CACNA1B: variants seen among roughly 807,000 people sequenced by gnomAD.
CACNA1B encodes the protein calcium voltage-gated channel subunit alpha1 B, also known as voltage-dependent N-type calcium channel subunit alpha-1B.
Under a neutral mutation model 247.2 loss-of-function variants are expected in CACNA1B, and 70 were observed. The observed-to-expected ratio is 0.28, with a 90% CI of 0.23 to 0.35. The LOEUF is 0.35. Ranked by LOEUF, CACNA1B falls within the 10% of genes least tolerant of loss-of-function variation. The pLI is 1.00. For missense variants in CACNA1B, 2,367 were observed against 3,197.4 expected (o/e 0.74, Z 6.26); for synonymous variants, 1,231 against 1,294.4 (o/e 0.95, Z 1.05).
chr9:138,005,412 C>G (rs1958634697), intron 15 of CACNA1B, among the ~76,000 whole-genome samples: 1 of 152,098 alleles, frequency 6.6e-6, no homozygotes, highest in African/African-American at 2.4e-5. Flanking sequence ...AGCAAAAAAG[C>G]TGATCTGGAG....
In CACNA1B at chr9:138,121,881, C is replaced by T. The variant is rs765788722; in HGVS notation, c.6902C>T (p.Thr2301Ile). ...AGGACTTCCTACGTGTCCTCCCTGA[C>T]CTCCCAGTCTCACCCTCTCCGCCGC... ...SSRTSYVSSL[T>I]SQSHPLRRVP... Residue 2301 changes from threonine to isoleucine, a missense_variant, in exon 47 of 47, where the codon ACC (threonine) becomes ATC (isoleucine). Thr to Ile is a moderately conservative substitution (Grantham distance 89). Around this residue, in one of 12 missense-constraint regions of CACNA1B, gnomAD observed 773 missense variants for 779.4 expected, o/e 0.99. Coordinates refer to ENST00000371372, the MANE Select transcript of CACNA1B (RefSeq NM_000718.4). The surrounding 1 kb of genome is among the most constrained non-coding windows in gnomAD (Gnocchi z 6.8). 3.1e-6 allele frequency: 5 copies of T among 1,613,018 alleles called. No homozygotes were observed. Among genetic ancestry groups the T allele is most frequent in the Middle Eastern group, 1.6e-4 (1 of 6,084 alleles).
At chr9:138,079,402 C>T (rs1315380939) in intron 36 of CACNA1B, among the ~76,000 whole-genome samples, 1 of 152,042 alleles carries the variant, frequency 6.6e-6, no homozygotes, top group African/African-American at 2.4e-5. Flanking sequence ...AGGAAGTAAC[C>T]AGCCATGCAC....
In CACNA1B at chr9:138,057,801, T is replaced by C. The variant is rs1055383939; in HGVS notation, c.4038T>C (p.Phe1346=). Residue 1346 remains phenylalanine (F), a synonymous_variant, in exon 27 of 47, where the codon TTT becomes TTC. Transcript: ENST00000371372. The surrounding 1 kb of genome is among the most constrained non-coding windows in gnomAD (Gnocchi z 4.0). ...AQPRQWKKYD[F]HYDNVLWALL... is the part of the protein sequence containing the mutation. ...CCAGGCAGTGGAAGAAATACGACTT[T>C]CACTACGACAATGTGCTCTGGGCTC... is the stretch of plus-strand genomic sequence containing the variant. 6.2e-7 allele frequency: 1 copy of C among 1,613,070 alleles called. No individual in the cohort carries two copies. The highest frequency in any genetic ancestry group is 1.7e-5 in the Admixed American group (1 of 59,944).
chr9:138,095,359 T>C (rs2131341006), intron 36 of CACNA1B, among the ~76,000 whole-genome samples: 1 of 152,306 alleles, frequency 6.6e-6, no homozygotes, highest in East Asian at 1.9e-4. Context: ...TGAAAAGATA[T>C]TCAACATCTT....
chr9:137,880,354 C>T lies in CACNA1B; in HGVS notation c.390+1195C>T, dbSNP rs1956900369. Among the ~76,000 whole-genome samples, 1 of 152,162 alleles carries T rather than the reference C, an allele frequency of 6.6e-6. No individual in the cohort carries two copies. The highest frequency in any genetic ancestry group is 1.5e-5 in the Non-Finnish European group (1 of 68,024). The stretch of plus-strand genomic sequence containing the variant: ...CATGAGGCAGGCGTGAGTCATGGTC[C>T]CTGTGGGGGACTTGGGCAGGACCCT... On this transcript the variant is annotated intron_variant, in intron 2 of 46. Transcript: ENST00000371372. The surrounding 1 kb of genome is among the most constrained non-coding windows in gnomAD (Gnocchi z 4.8).
In CACNA1B at chr9:138,084,687, C is replaced by T. The variant is rs146174590; in HGVS notation, c.5094+6429C>T. The stretch of plus-strand genomic sequence containing the variant: ...AAGGAAATCACCAGGTGTGGTGGCT[C>T]ACGCCTGTAATCCCAGCACTTTGGG... On this transcript the variant is annotated intron_variant, in intron 36 of 46. Transcript: ENST00000371372. Among the ~76,000 whole-genome samples the T allele has an allele frequency of 3.7e-3, 567 of 151,280 alleles. 31 individuals carry two copies. Among genetic ancestry groups the T allele is most frequent in the African/African-American group, 0.013 (547 of 40,946 alleles).
intron 3 of CACNA1B, among the ~76,000 whole-genome samples, chr9:137,893,193 G>A (rs1030296499): frequency 2.6e-5 from 4 of 151,062 alleles, no homozygotes; most frequent in Non-Finnish European, 5.9e-5. Context: ...CACAGCTCCT[G>A]AGACATGAAA....
At chr9:137,964,256 G>T (rs1267922483) in intron 10 of CACNA1B, among the ~76,000 whole-genome samples, 2 of 152,194 alleles carry the variant, frequency 1.3e-5, no homozygotes, top group Non-Finnish European at 2.9e-5. Flanking sequence ...GGTTGAGGAA[G>T]TTCTCCTGGA....
chr9:138,038,939 C>G (rs531029921), intron 20 of CACNA1B, among the ~76,000 whole-genome samples: 2 of 152,198 alleles, frequency 1.3e-5, no homozygotes, highest in East Asian at 3.9e-4. Flanking sequence ...AATCCCAGCA[C>G]TTTGGGAGGC....
rs1589032017 is a variant in CACNA1B at position 137,957,088 on chromosome 9, T to C, written c.1243+261T>C. 6.6e-6 allele frequency among the ~76,000 whole-genome samples: 1 copy of C among 152,276 alleles called. No homozygotes were observed. Among genetic ancestry groups the C allele is most frequent in the East Asian group, 1.9e-4 (1 of 5,176 alleles). The stretch of plus-strand genomic sequence containing the variant: ...CTCCCAGAGACCATGGGAGGGCTCA[T>C]GGCACAACCTGGGGCCATGAGAGGG... On this transcript the variant is annotated intron_variant, in intron 9 of 46. Transcript: ENST00000371372. This position sits in a 1 kb window ranked among gnomAD's most constrained non-coding sequence, Gnocchi z 4.7.
intron 15 of CACNA1B, among the ~76,000 whole-genome samples, chr9:137,992,700 T>C (rs1046617206): frequency 6.6e-6 from 1 of 150,984 alleles, no homozygotes; most frequent in Non-Finnish European, 1.5e-5. Context: ...ACAAAACAAG[T>C]CTCGGGAAAT....
At position 137,917,650 on chromosome 9, in the gene CACNA1B, C is replaced by A. The variant is rs1325997852; in HGVS notation, c.966+219C>A. ...TCAGCTCAGACTCCTGAGGTGGGTCCTCCTGGAGTTGACTCCTTCGTGAAA... is the reference window on the plus strand; with the variant it reads ...TCAGCTCAGACTCCTGAGGTGGGTCATCCTGGAGTTGACTCCTTCGTGAAA... On this transcript the variant is annotated intron_variant, in intron 6 of 46. Transcript: ENST00000371372. The surrounding 1 kb of genome is among the most constrained non-coding windows in gnomAD (Gnocchi z 5.5). Among the ~76,000 whole-genome samples, 3 of 152,224 alleles carry A rather than the reference C, an allele frequency of 2.0e-5. No homozygotes were observed. Among genetic ancestry groups the A allele is most frequent in the Admixed American group, 6.5e-5 (1 of 15,284 alleles).
At chr9:138,027,551 T>C (rs1455594110) in intron 20 of CACNA1B, among the ~76,000 whole-genome samples, 1 of 152,146 alleles carries the variant, frequency 6.6e-6, no homozygotes, top group Non-Finnish European at 1.5e-5. Flanking sequence ...TTAAATAAAA[T>C]TTTGGTTTGG....
intron 6 of CACNA1B, among the ~76,000 whole-genome samples, chr9:137,949,998 T>C (rs556228026): frequency 6.6e-6 from 1 of 152,322 alleles, no homozygotes; most frequent in African/African-American, 2.4e-5. Flanking sequence ...AGTTGAAAAC[T>C]GGCCATTTTT....
intron 41 of CACNA1B, among the ~76,000 whole-genome samples, 165 bp from the exon 42 acceptor site, chr9:138,115,387 G>A (rs368382902): frequency 6.8e-4 from 103 of 152,286 alleles, no homozygotes; most frequent in African/African-American, 2.3e-3. Flanking sequence ...CATATTTAGG[G>A]ACATATCAGG....
intron 15 of CACNA1B, among the ~76,000 whole-genome samples, chr9:138,004,223 T>C (rs1958618129): frequency 6.6e-6 from 1 of 152,230 alleles, no homozygotes; most frequent in South Asian, 2.1e-4. Flanking sequence ...AACTGTGTGA[T>C]GGTTTACACA....
intron 31 of CACNA1B, among the ~76,000 whole-genome samples, chr9:138,063,442 T>C (rs1959804220): frequency 6.6e-6 from 1 of 152,360 alleles, no homozygotes; most frequent in East Asian, 1.9e-4. Context: ...TGCAGTGAGC[T>C]ATGATCGCAC....
At chr9:137,892,555 A>T (rs1957117832) in intron 3 of CACNA1B, 2 of 364,502 alleles carry the variant, frequency 5.5e-6, no homozygotes, top group Admixed American at 7.0e-5. Flanking sequence ...TCTGGGCCTG[A>T]CAACACAGCT....
At chr9:138,009,926 T>A (rs1400874634) in intron 16 of CACNA1B, 84 bp from the exon 17 acceptor site, 1 of 1,082,552 alleles carries the variant, frequency 9.2e-7, no homozygotes, top group African/African-American at 1.6e-5. Context: ...GGAGGCTGGT[T>A]GGGATCTGGG....
Sources: allele counts gnomAD v4.1 joint callset (sites outside exome capture counted in the v4.1 genomes callset), GRCh38; gene constraint gnomAD v4.1.1; regional missense constraint gnomAD v4.1.1; non-coding constraint Gnocchi (gnomAD v3.1); transcripts MANE v1.5; gene names NCBI Gene and HGNC (gene_info 2026-07-23, HGNC 2026-07-21).